The following SPOPL variants were observed in gnomAD, a reference collection of about 807,000 sequenced individuals.
SPOPL encodes speckle type BTB/POZ protein like, also known as speckle-type POZ protein-like.
Under a neutral mutation model 53.8 loss-of-function variants are expected in SPOPL, and 23 were observed. The observed-to-expected ratio is 0.43, with a 90% CI of 0.31 to 0.61. The LOEUF is 0.61. SPOPL is among the 20% of genes least tolerant of loss of function. The probability of loss-of-function intolerance (pLI) is 0.12; values close to 1 mark genes in which losing one functional copy is unlikely to be tolerated. For missense variants in SPOPL, 442 were observed against 466.9 expected (o/e 0.95, Z 0.49); for synonymous variants, 164 against 149.7 (o/e 1.10, Z -0.70).
chr2:138,521,563 T>TTG (rs1684558848), intron 1 of SPOPL, among the ~76,000 whole-genome samples: 2 of 152,092 alleles, frequency 1.3e-5, no homozygotes, highest in Non-Finnish European at 2.9e-5. Flanking sequence ...GTTGTTTTTT[T>TTG]TGTGTGTGTG....
intron 1 of SPOPL, among the ~76,000 whole-genome samples, chr2:138,517,330 TCTGA>T (rs935983386): frequency 3.9e-5 from 6 of 152,214 alleles, no homozygotes; most frequent in Admixed American, 6.5e-5. Context: ...ACCTCTGATC[TCTGA>T]CTGCTGCTTA....
At chr2:138,539,735 C>G (rs537654469) in intron 1 of SPOPL, among the ~76,000 whole-genome samples, 224 of 152,158 alleles carry the variant, frequency 1.5e-3, no homozygotes, top group South Asian at 7.3e-3. Context: ...CTTTTGCTGT[C>G]CAGAAGCTCT....
At chr2:138,554,861 G>A (rs1171237470) in intron 5 of SPOPL, among the ~76,000 whole-genome samples, 1 of 152,056 alleles carries the variant, frequency 6.6e-6, no homozygotes, top group East Asian at 1.9e-4. Flanking sequence ...TCCTTTTTAA[G>A]GACACATCTT....
At chr2:138,513,195 A>G (rs1684364682) in intron 1 of SPOPL, among the ~76,000 whole-genome samples, 1 of 152,248 alleles carries the variant, frequency 6.6e-6, no homozygotes, top group South Asian at 2.1e-4. Flanking sequence ...AGGCAGGAGG[A>G]TTGCCTGAGG....
chr2:138,505,325 T>A (rs1310142490), intron 1 of SPOPL, among the ~76,000 whole-genome samples: 1 of 152,160 alleles, frequency 6.6e-6, no homozygotes, highest in Non-Finnish European at 1.5e-5. Flanking sequence ...TGCTCACTGT[T>A]TTGTTTCCTT....
At chr2:138,532,839 C>T in intron 1 of SPOPL, among the ~76,000 whole-genome samples, 1 of 152,056 alleles carries the variant, frequency 6.6e-6, no homozygotes, top group East Asian at 1.9e-4. Context: ...GTCCTGATTG[C>T]TTGAGCAGCT....
At chr2:138,524,094 T>C (rs1684617228) in intron 1 of SPOPL, among the ~76,000 whole-genome samples, 1 of 152,220 alleles carries the variant, frequency 6.6e-6, no homozygotes, top group Non-Finnish European at 1.5e-5. Context: ...TTCAGGTGTT[T>C]CTATACATCT....
intron 5 of SPOPL, among the ~76,000 whole-genome samples, chr2:138,556,733 A>G (rs1341556896): frequency 6.6e-6 from 1 of 152,192 alleles, no homozygotes; most frequent in African/African-American, 2.4e-5. Flanking sequence ...TATTTATACA[A>G]TATCTTGTGG....
chr2:138,554,365 G>A lies in SPOPL; in HGVS notation c.480+1684G>A, dbSNP rs890597440. 3.5e-6 allele frequency: 3 copies of A among 856,606 alleles called. No homozygotes were observed. In the South Asian group the frequency reaches 7.4e-5, roughly 21 times the overall value. The allele number at this position is 856,606 out of a possible 1,614,324, so 53.1% of individuals were successfully genotyped here. A position where few individuals can be genotyped will look rare whatever the true frequency, so the allele number is the denominator to read the frequency against. Reference sequence around the variant, plus strand: ...CGTATTTAGCATAGGTGGGCAAAAGGTACTTTTAACTAACATTCTTCATGC... The same window carrying A: ...CGTATTTAGCATAGGTGGGCAAAAGATACTTTTAACTAACATTCTTCATGC... On this transcript the variant is annotated intron_variant, in intron 5 of 10. Transcript: ENST00000280098.
At chr2:138,567,898 G>A (rs777293788) in intron 10 of SPOPL, among the ~76,000 whole-genome samples, 9 of 152,272 alleles carry the variant, frequency 5.9e-5, no homozygotes, top group South Asian at 2.1e-4. Context: ...ATTTATTTAC[G>A]GTTATTGTTT....
chr2:138,511,008 C>T (rs1387120428), intron 1 of SPOPL, among the ~76,000 whole-genome samples: 1 of 152,184 alleles, frequency 6.6e-6, no homozygotes, highest in Non-Finnish European at 1.5e-5. Context: ...TCAAGTGGGG[C>T]ATGGGCACAC....
chr2:138,510,338 C>T (rs1684300596), intron 1 of SPOPL, among the ~76,000 whole-genome samples: 1 of 152,182 alleles, frequency 6.6e-6, no homozygotes, highest in African/African-American at 2.4e-5. Flanking sequence ...TTCGCATCAG[C>T]GATGAGTGAG....
intron 1 of SPOPL, among the ~76,000 whole-genome samples, chr2:138,522,462 A>G (rs1260896444): frequency 6.6e-6 from 1 of 152,048 alleles, no homozygotes; most frequent in South Asian, 2.1e-4. Flanking sequence ...CCTTTTTTTT[A>G]AAACTGGGGT....
intron 1 of SPOPL, among the ~76,000 whole-genome samples, chr2:138,503,635 A>G (rs1684152880): frequency 6.6e-6 from 1 of 152,234 alleles, no homozygotes; most frequent in African/African-American, 2.4e-5. Flanking sequence ...CAAGGCAGCT[A>G]ACTACCAAGC....
intron 10 of SPOPL, 60 bp from the exon 11 acceptor site, chr2:138,568,876 G>A: frequency 6.4e-7 from 1 of 1,570,700 alleles, no homozygotes; most frequent in Non-Finnish European, 8.7e-7. Flanking sequence ...GAAATTAACA[G>A]TGCAATAGTG....
chr2:138,570,685 T>G lies in SPOPL; in HGVS notation c.*1605T>G, dbSNP rs528387664. Reference sequence around the variant, plus strand: ...ATTAAAATTTGTATAATTTGTTTATTTAATGTTTGAATTCAGGACAAAAGA... The same window carrying G: ...ATTAAAATTTGTATAATTTGTTTATGTAATGTTTGAATTCAGGACAAAAGA... On this transcript the variant is annotated 3_prime_UTR_variant, in exon 11 of 11. Transcript: ENST00000280098. The G allele has an allele frequency of 6.6e-6, 1 of 152,290 alleles. No individual in the cohort carries two copies. Among genetic ancestry groups the G allele is most frequent in the East Asian group, 1.9e-4 (1 of 5,184 alleles). The allele number at this position is 152,290 out of a possible 1,614,324, so 9.4% of individuals were successfully genotyped here.
chr2:138,557,934 G>T (rs1685463200), intron 5 of SPOPL, among the ~76,000 whole-genome samples: 1 of 152,128 alleles, frequency 6.6e-6, no homozygotes, highest in South Asian at 2.1e-4. Flanking sequence ...CAAGGCAGGT[G>T]GATCACTTGA....
intron 1 of SPOPL, among the ~76,000 whole-genome samples, chr2:138,544,023 C>T (rs1340752521): frequency 6.6e-6 from 1 of 152,172 alleles, no homozygotes; most frequent in African/African-American, 2.4e-5. Flanking sequence ...GCCTGGGTAT[C>T]AGCAGTGGAG....
intron 3 of SPOPL, 137 bp from the exon 4 acceptor site, chr2:138,550,766 G>C (rs968455118): frequency 7.2e-7 from 1 of 1,389,380 alleles, no homozygotes; most frequent in African/African-American, 1.4e-5. Context: ...GAACTGTGAG[G>C]ATGTTGACAG....
Sources: allele counts gnomAD v4.1 joint callset (sites outside exome capture counted in the v4.1 genomes callset), GRCh38; gene constraint gnomAD v4.1.1; transcripts MANE v1.5; gene names NCBI Gene and HGNC (gene_info 2026-07-23, HGNC 2026-07-21).